Variants in SSBP2 observed in about 807,000 individuals in gnomAD.
The protein encoded by SSBP2 is single-stranded DNA-binding protein 2.
A neutral mutation model predicts 61.8 loss-of-function variants in SSBP2; 17 were observed. The observed-to-expected ratio is 0.28, with a 90% CI of 0.19 to 0.41. The LOEUF is 0.41. Among genes scored for constraint, SSBP2 ranks in the 10% least tolerant of loss-of-function variants. The pLI, the probability that SSBP2 is intolerant of heterozygous loss-of-function variation, is 1.00. For missense variants in SSBP2, 310 were observed against 458.7 expected (o/e 0.68, Z 2.96); for synonymous variants, 139 against 141.3 (o/e 0.98, Z 0.12).
intron 7 of SSBP2, 99 bp from the exon 8 acceptor site, chr5:81,473,869 A>G: frequency 8.9e-7 from 1 of 1,119,792 alleles, no homozygotes; most frequent in East Asian, 2.4e-5. Context: ...CTCATTTACC[A>G]AGAGTCTGAG....
intron 4 of SSBP2, among the ~76,000 whole-genome samples, chr5:81,532,691 G>A (rs957045625): frequency 3.3e-5 from 5 of 151,818 alleles, no homozygotes; most frequent in African/African-American, 1.2e-4. Context: ...TAATATTAAT[G>A]GCATAGAAAA....
At chr5:81,631,161 ATAATGATGGTGCT>A (rs1747670145) in intron 3 of SSBP2, among the ~76,000 whole-genome samples, 1 of 152,220 alleles carries the variant, frequency 6.6e-6, no homozygotes, top group African/African-American at 2.4e-5. Flanking sequence ...GGAAAACAGC[ATAATGATGGTGCT>A]TAACTGTAGT....
At chr5:81,724,304 A>G (rs757814936) in intron 1 of SSBP2, among the ~76,000 whole-genome samples, 11 of 151,940 alleles carry the variant, frequency 7.2e-5, no homozygotes, top group Non-Finnish European at 1.5e-4. Context: ...GTCTTTTTTC[A>G]TATCCTTTAA....
At chr5:81,420,683 T>C (rs751394454) in intron 16 of SSBP2, 150 bp from the exon 17 acceptor site, 7 of 654,978 alleles carry the variant, frequency 1.1e-5, no homozygotes, top group African/African-American at 3.7e-5. Flanking sequence ...TAAGAAACTA[T>C]AAAAAAAGTA....
intron 1 of SSBP2, among the ~76,000 whole-genome samples, chr5:81,674,264 C>T (rs1031579551): frequency 3.3e-5 from 5 of 152,148 alleles, no homozygotes; most frequent in African/African-American, 7.2e-5. Flanking sequence ...CAAGCTCACA[C>T]GTCAAAGTTA....
chr5:81,655,729 G>T (rs1750152809), intron 1 of SSBP2, among the ~76,000 whole-genome samples: 1 of 152,148 alleles, frequency 6.6e-6, no homozygotes, highest in Non-Finnish European at 1.5e-5. Flanking sequence ...CCACACATGT[G>T]ATGGATACTA....
At chr5:81,585,380 TAGATATA>T (rs894779084) in intron 4 of SSBP2, among the ~76,000 whole-genome samples, 11 of 152,162 alleles carry the variant, frequency 7.2e-5, no homozygotes, top group Admixed American at 3.3e-4. Flanking sequence ...AAGATAATCC[TAGATATA>T]AGATATAAGC....
At chr5:81,697,361 A>C (rs944959983) in intron 1 of SSBP2, among the ~76,000 whole-genome samples, 3 of 152,208 alleles carry the variant, frequency 2.0e-5, no homozygotes, top group Admixed American at 6.5e-5. Context: ...AATTGTCTAG[A>C]TTGGTTGTTT....
At chr5:81,579,889 C>A (rs184692085) in intron 4 of SSBP2, among the ~76,000 whole-genome samples, 1 of 152,140 alleles carries the variant, frequency 6.6e-6, no homozygotes, top group East Asian at 1.9e-4. Flanking sequence ...TACAAATAGG[C>A]CTCTTTGCAC....
intron 5 of SSBP2, among the ~76,000 whole-genome samples, chr5:81,511,878 A>C (rs188117088): frequency 6.6e-6 from 1 of 152,338 alleles, no homozygotes. Context: ...TCACATTGGA[A>C]AAACTAAAAG....
intron 6 of SSBP2, among the ~76,000 whole-genome samples, chr5:81,488,072 T>C (rs1766568018): frequency 8.4e-6 from 1 of 118,748 alleles, no homozygotes; most frequent in African/African-American, 2.6e-5. Context: ...TAAAATATCA[T>C]ATATTATATA....
intron 10 of SSBP2, among the ~76,000 whole-genome samples, chr5:81,459,092 G>GACAGCAGTTTGATGTGT (rs1764360540): frequency 6.6e-6 from 1 of 152,172 alleles, no homozygotes; most frequent in Non-Finnish European, 1.5e-5. Context: ...CAGACTGGTG[G>GACAGCAGTTTGATGTGT]ACAGCAGTTT....
intron 1 of SSBP2, among the ~76,000 whole-genome samples, chr5:81,743,112 A>G (rs1757138012): frequency 6.6e-6 from 1 of 152,204 alleles, no homozygotes; most frequent in Non-Finnish European, 1.5e-5. Flanking sequence ...TTAGGGTTTG[A>G]AAGATAAAAG....
chr5:81,618,412 A>C (rs1184709084), intron 3 of SSBP2, among the ~76,000 whole-genome samples: 1 of 74,806 alleles, frequency 1.3e-5, no homozygotes, highest in Non-Finnish European at 2.8e-5. Flanking sequence ...ACTATCCTAA[A>C]TATTTATGCA....
chr5:81,622,625 C>T (rs1289210352), intron 3 of SSBP2, among the ~76,000 whole-genome samples: 1 of 152,168 alleles, frequency 6.6e-6, no homozygotes, highest in Non-Finnish European at 1.5e-5. Context: ...ATCATCAACA[C>T]TATAATTAGT....
At chr5:81,500,358 C>A (rs941101028) in intron 5 of SSBP2, among the ~76,000 whole-genome samples, 2 of 151,742 alleles carry the variant, frequency 1.3e-5, no homozygotes, top group African/African-American at 4.8e-5. Flanking sequence ...GGACTACAGG[C>A]ACCCACCATC....
At chr5:81,479,313 C>A (rs746999134) in intron 6 of SSBP2, among the ~76,000 whole-genome samples, 5 of 151,890 alleles carry the variant, frequency 3.3e-5, no homozygotes, top group Non-Finnish European at 7.4e-5. Flanking sequence ...TTTTTTGAGA[C>A]GGTGTCTCGC....
intron 6 of SSBP2, among the ~76,000 whole-genome samples, chr5:81,482,980 C>T (rs1766106367): frequency 6.6e-6 from 1 of 152,000 alleles, no homozygotes; most frequent in Admixed American, 6.6e-5. Context: ...TATCAGTTGG[C>T]CCAATTTCAA....
At chr5:81,685,990 A>G (rs572793865) in intron 1 of SSBP2, among the ~76,000 whole-genome samples, 2 of 152,346 alleles carry the variant, frequency 1.3e-5, no homozygotes, top group Non-Finnish European at 2.9e-5. Context: ...AGCACATGGG[A>G]TAAGTCTTGA....
Sources: gnomAD v4.1 joint callset for allele counts (sites outside exome capture counted in the v4.1 genomes callset) on GRCh38, gnomAD v4.1.1 for gene constraint, MANE v1.5 for transcripts, NCBI Gene and HGNC (gene_info 2026-07-23, HGNC 2026-07-21) for gene names.